The following TGM4 variants were observed in gnomAD, a reference collection of about 807,000 sequenced individuals.
The protein encoded by TGM4 is transglutaminase 4, also known as protein-glutamine gamma-glutamyltransferase 4.
Under a neutral mutation model 76.3 loss-of-function variants are expected in TGM4, and 61 were observed. That is an observed-to-expected ratio of 0.80 (90% confidence interval 0.65 to 0.99). The LOEUF is 0.99. Among genes scored for constraint, TGM4 ranks in the 50% least tolerant of loss-of-function variants. The pLI is 0.00. For missense variants in TGM4, 794 were observed against 843.2 expected (o/e 0.94, Z 0.72); for synonymous variants, 337 against 329.8 (o/e 1.02, Z -0.24).
Position 44,901,773 on chromosome 3 carries a change from C to A in TGM4, c.833-20C>A, listed in dbSNP as rs898132915. On this transcript the variant is annotated intron_variant, in intron 7 of 13. Coordinates refer to ENST00000296125, the MANE Select transcript of TGM4 (RefSeq NM_003241.4). ...CCCAGCCCCCACAGTTGCCAACCAC[C>A]CCACCCTGGATCATTTCAGTGCTGA... The A allele has an allele frequency of 1.4e-5, 22 of 1,613,668 alleles. No homozygotes were observed. Among genetic ancestry groups the A allele is most frequent in the Non-Finnish European group, 1.9e-5 (22 of 1,179,792 alleles).
At chr3:44,891,371 C>CGT (rs10622920) in intron 4 of TGM4, among the ~76,000 whole-genome samples, 1 of 151,500 alleles carries the variant, frequency 6.6e-6, no homozygotes, top group Non-Finnish European at 1.5e-5. Context: ...TTTTTTTTAA[C>CGT]TTGTATTTGG....
rs752757194 is a variant in TGM4 at position 44,910,337 on chromosome 3, C to A, written c.1575C>A (p.Asp525Glu). The A allele has an allele frequency of 1.2e-6, 2 of 1,614,010 alleles. No homozygotes were observed. The highest frequency in any genetic ancestry group is 8.5e-7 in the Non-Finnish European group (1 of 1,180,026). Residue 525 changes from aspartate to glutamate, a missense_variant, in exon 11 of 14, where the codon GAC becomes GAA. By Grantham distance (45) the Asp-to-Glu change is conservative. Coordinates refer to ENST00000296125, the MANE Select transcript of TGM4 (RefSeq NM_003241.4). Reference sequence around the variant, plus strand: ...GCAAGAAGATGGCAAAACTGTGTGACCTCAATAAGACCTCGCAGATCCAAG... The same window carrying A: ...GCAAGAAGATGGCAAAACTGTGTGAACTCAATAAGACCTCGCAGATCCAAG... ...YTGKKMAKLC[D>E]LNKTSQIQGQ...
At position 44,885,458 on chromosome 3, in the gene TGM4, C is replaced by T; in HGVS notation, c.153C>T (p.Pro51=). The change falls in exon 2 of 14, where the codon CCC becomes CCT. Residue 51 remains proline (P), a synonymous_variant. Coordinates refer to ENST00000296125, the MANE Select transcript of TGM4 (RefSeq NM_003241.4). ...VFHLRLVLNQ[P]LQSYHQLKLE... Reference sequence around the variant, plus strand: ...ACCTGCGGCTGGTGCTGAACCAGCCCCTACAATCCTACCACCAACTGAAAC... The same window carrying T: ...ACCTGCGGCTGGTGCTGAACCAGCCTCTACAATCCTACCACCAACTGAAAC... 1 of 1,612,756 alleles carries T rather than the reference C, an allele frequency of 6.2e-7. No homozygotes were observed.
intron 1 of TGM4, among the ~76,000 whole-genome samples, chr3:44,879,899 G>A (rs1338703078): frequency 1.3e-5 from 2 of 152,138 alleles, no homozygotes; most frequent in East Asian, 1.9e-4. Flanking sequence ...CCAGGCCCAA[G>A]AGATACTCTT....
At chr3:44,913,462 C>A in intron 13 of TGM4, 122 bp from the exon 14 acceptor site, 1 of 1,308,864 alleles carries the variant, frequency 7.6e-7, no homozygotes. Context: ...CTGGAATGGC[C>A]AGGACTTTTC....
At chr3:44,887,206 G>C (rs927006172) in intron 2 of TGM4, among the ~76,000 whole-genome samples, 1 of 152,222 alleles carries the variant, frequency 6.6e-6, no homozygotes, top group Non-Finnish European at 1.5e-5. Context: ...GATTCTAGTA[G>C]TCCCTGGAGC....
rs1300226439 is a variant in TGM4 at position 44,906,385 on chromosome 3, T to G, written c.1076-564T>G. On this transcript the variant is annotated intron_variant, in intron 9 of 13. Coordinates refer to ENST00000296125, the MANE Select transcript of TGM4 (RefSeq NM_003241.4). ...CATGCTAGAAATAAAAAGACAGCTCTTAACAAAAATGAAAAATAAATAAAT... is the reference window on the plus strand; with the variant it reads ...CATGCTAGAAATAAAAAGACAGCTCGTAACAAAAATGAAAAATAAATAAAT... Among the ~76,000 whole-genome samples the G allele has an allele frequency of 2.0e-5, 3 of 152,180 alleles. 1 individual carries two copies.
intron 6 of TGM4, among the ~76,000 whole-genome samples, chr3:44,900,326 C>CT (rs1361665449): frequency 6.6e-5 from 10 of 152,156 alleles, no homozygotes; most frequent in Non-Finnish European, 1.5e-4. Flanking sequence ...GCCTGTCTCT[C>CT]TTTCATCTGT....
chr3:44,907,890 T>C (rs1182021574), intron 10 of TGM4, among the ~76,000 whole-genome samples: 2 of 152,232 alleles, frequency 1.3e-5, no homozygotes, highest in African/African-American at 4.8e-5. Flanking sequence ...CAACTCCATA[T>C]AGCATCCTCA....
intron 3 of TGM4, 29 bp downstream of exon 3, chr3:44,887,824 C>T (rs942248974): frequency 5.0e-6 from 8 of 1,600,596 alleles, no homozygotes; most frequent in Middle Eastern, 1.7e-4. Context: ...GGCGGGTGGG[C>T]TGGCTGGCTT....
At chr3:44,907,307 TA>T in intron 10 of TGM4, 107 bp downstream of exon 10, 3 of 618,370 alleles carry the variant, frequency 4.9e-6, no homozygotes, top group South Asian at 4.5e-5. Flanking sequence ...ACCCCATCCC[TA>T]CCAAAAAAAA....
chr3:44,905,284 C>T (rs1699907238), intron 9 of TGM4, among the ~76,000 whole-genome samples: 1 of 130,432 alleles, frequency 7.7e-6, no homozygotes, highest in South Asian at 3.1e-4. Flanking sequence ...CCGCACCCAG[C>T]CTCAAACTTT....
rs117811969 is a variant in TGM4 at position 44,906,265 on chromosome 3, G to A, written c.1076-684G>A. On this transcript the variant is annotated intron_variant, in intron 9 of 13. Coordinates refer to ENST00000296125, the MANE Select transcript of TGM4 (RefSeq NM_003241.4). Reference sequence around the variant, plus strand: ...GAAAGCCCAATGCCCAGAATACAAGGGTATGTAAAAACCAAAGCTACTACT... The same window carrying A: ...GAAAGCCCAATGCCCAGAATACAAGAGTATGTAAAAACCAAAGCTACTACT... 5.3e-4 allele frequency among the ~76,000 whole-genome samples: 81 copies of A among 152,144 alleles called. 5 individuals are homozygous for A. The East Asian group carries it at 0.015, about 28-fold the overall frequency.
In TGM4 at chr3:44,907,108, T is replaced by C. The variant is rs1396801710; in HGVS notation, c.1235T>C (p.Met412Thr). The change falls in exon 10 of 14, where the codon ATG becomes ACG. Residue 412 changes from methionine (M) to threonine (T), a missense_variant. Transcript: ENST00000296125. The part of the protein sequence containing the change: ...NGQEELHVIS[M>T]ETTSIGKNIS... ...CAGGAGGAGTTACACGTAATTTCAA[T>C]GGAGACCACAAGCATCGGGAAAAAC... is the stretch of plus-strand genomic sequence containing the variant. The C allele has an allele frequency of 1.2e-6, 2 of 1,614,114 alleles. No homozygotes were observed. The highest frequency in any genetic ancestry group is 1.7e-6 in the Non-Finnish European group (2 of 1,180,014).
At position 44,901,534 on chromosome 3, in the gene TGM4, A is replaced by G. The variant is rs746913771; in HGVS notation, c.668A>G (p.Glu223Gly). ...CRAMCAMMSF[E>G]KGQGVLIGNW... Reference sequence around the variant, plus strand: ...CTACGTGTGTGGCAGATGAGCTTTGAGAAAGGCCAGGGCGTGCTCATTGGG... The same window carrying G: ...CTACGTGTGTGGCAGATGAGCTTTGGGAAAGGCCAGGGCGTGCTCATTGGG... The change falls in exon 7 of 14, where the codon GAG becomes GGG. Residue 223 changes from glutamate (E) to glycine (G), a missense_variant. Glu to Gly is a moderately conservative substitution (Grantham distance 98). Coordinates refer to ENST00000296125, the MANE Select transcript of TGM4 (RefSeq NM_003241.4). The G allele has an allele frequency of 2.7e-5, 43 of 1,605,204 alleles. No homozygotes were observed. In the East Asian group the frequency reaches 4.5e-4, roughly 17 times the overall value.
chr3:44,878,373 T>G (rs1307397260), intron 1 of TGM4, among the ~76,000 whole-genome samples: 1 of 151,756 alleles, frequency 6.6e-6, no homozygotes, highest in Admixed American at 6.6e-5. Context: ...TATAGTGATT[T>G]TCTCTGGAGA....
At chr3:44,898,068 T>G (rs1575721303) in intron 6 of TGM4, among the ~76,000 whole-genome samples, 1 of 151,996 alleles carries the variant, frequency 6.6e-6, no homozygotes, top group Non-Finnish European at 1.5e-5. Context: ...GATCACGAGG[T>G]CAGGAGATCG....
chr3:44,899,078 T>C (rs1699818591), intron 6 of TGM4: 1 of 152,226 alleles, frequency 6.6e-6, no homozygotes, highest in African/African-American at 2.4e-5. Flanking sequence ...GCCTCTGTTA[T>C]CTCATCTTTT....
rs149459592 is a variant in TGM4 at position 44,911,367 on chromosome 3, A to C, written c.1874A>C (p.Glu625Ala). 5 of 1,614,132 alleles carry C rather than the reference A, an allele frequency of 3.1e-6. No homozygotes were observed. The highest frequency in any genetic ancestry group is 4.2e-6 in the Non-Finnish European group (5 of 1,180,060). Reference protein sequence around the residue: ...IPLTDVKFSLESLGISSLQTS... With the variant: ...IPLTDVKFSLASLGISSLQTS... ...TTGACTGACGTCAAGTTCTCTTTGG[A>C]AAGCCTGGGCATCTCCTCACTACAG... The change falls in exon 13 of 14, where the codon GAA (glutamate) becomes GCA (alanine). Residue 625 changes from glutamate (E) to alanine (A), a missense_variant. Glu to Ala is a moderately radical substitution (Grantham distance 107, BLOSUM62 -1). Coordinates refer to ENST00000296125, the MANE Select transcript of TGM4 (RefSeq NM_003241.4).
Sources: gnomAD v4.1 joint callset for allele counts (sites outside exome capture counted in the v4.1 genomes callset) on GRCh38, gnomAD v4.1.1 for gene constraint, MANE v1.5 for transcripts, NCBI Gene and HGNC (gene_info 2026-07-23, HGNC 2026-07-21) for gene names.